Variants in EEFSEC observed in about 807,000 individuals in gnomAD.
The protein encoded by EEFSEC is eukaryotic elongation factor, selenocysteine-tRNA specific.
EEFSEC carries 43 observed loss-of-function variants against 42.1 expected under a neutral mutation model. The ratio of observed to expected loss-of-function variants is 1.02; its 90% confidence interval spans 0.80 to 1.32. The LOEUF (loss-of-function observed/expected upper bound fraction) is 1.32. EEFSEC is among the 40% of genes most tolerant of loss of function. The pLI is 0.00. For synonymous variants in EEFSEC, 354 were observed against 339.1 expected (o/e 1.04, Z -0.48); for missense variants, 745 against 803.6 (o/e 0.93, Z 0.88).
At chr3:128,280,410 C>T (rs531259147) in intron 4 of EEFSEC, among the ~76,000 whole-genome samples, 1 of 152,352 alleles carries the variant, frequency 6.6e-6, no homozygotes, top group South Asian at 2.1e-4. Context: ...CTTCCCTGTT[C>T]TCTCTCACCT....
chr3:128,165,921 C>T (rs1053466118), intron 1 of EEFSEC, among the ~76,000 whole-genome samples: 14 of 152,142 alleles, frequency 9.2e-5, no homozygotes, highest in South Asian at 8.3e-4. Flanking sequence ...AGATACATGA[C>T]GGTGTGGCAC....
chr3:128,328,168 TCAGAG>T, intron 4 of EEFSEC, among the ~76,000 whole-genome samples: 1 of 152,182 alleles, frequency 6.6e-6, no homozygotes, highest in Non-Finnish European at 1.5e-5. Flanking sequence ...TGCCCACAGC[TCAGAG>T]CTGGAGCCAC....
intron 1 of EEFSEC, among the ~76,000 whole-genome samples, chr3:128,244,697 T>C (rs1169488140): frequency 6.6e-6 from 1 of 152,202 alleles, no homozygotes; most frequent in Non-Finnish European, 1.5e-5. Context: ...AAGTCATTAG[T>C]TTCTTTTGCA....
At chr3:128,255,458 A>G (rs938631590) in intron 2 of EEFSEC, among the ~76,000 whole-genome samples, 10 of 152,034 alleles carry the variant, frequency 6.6e-5, no homozygotes, top group African/African-American at 2.4e-4. Context: ...GCTTCCCCGA[A>G]CCCTGGCCCC....
intron 6 of EEFSEC, among the ~76,000 whole-genome samples, chr3:128,365,248 G>T (rs1042194872): frequency 1.3e-5 from 2 of 152,230 alleles, no homozygotes; most frequent in Non-Finnish European, 2.9e-5. Flanking sequence ...AGTGGATGGA[G>T]AGCCCTGGGC....
chr3:128,282,556 C>T (rs948683105), intron 4 of EEFSEC, among the ~76,000 whole-genome samples: 1 of 152,236 alleles, frequency 6.6e-6, no homozygotes, highest in African/African-American at 2.4e-5. Flanking sequence ...TGCACATGTG[C>T]ACACGCGCAC....
chr3:128,253,470 C>CCCCT, intron 2 of EEFSEC, among the ~76,000 whole-genome samples: 1 of 152,316 alleles, frequency 6.6e-6, no homozygotes, highest in South Asian at 2.1e-4. Flanking sequence ...GGTACCTGAA[C>CCCCT]CCCTGCCCAT....
At chr3:128,399,628 C>T (rs1170531174) in intron 6 of EEFSEC, among the ~76,000 whole-genome samples, 1 of 152,068 alleles carries the variant, frequency 6.6e-6, no homozygotes, top group Non-Finnish European at 1.5e-5. Flanking sequence ...TTTAGCTCCC[C>T]AGGAAAACAG....
intron 4 of EEFSEC, among the ~76,000 whole-genome samples, chr3:128,312,803 T>C (rs2066904012): frequency 6.6e-6 from 1 of 152,238 alleles, no homozygotes; most frequent in Admixed American, 6.5e-5. Flanking sequence ...TTCCCTTTTC[T>C]TTTCCTTAAC....
chr3:128,213,108 A>G (rs2065776037), intron 1 of EEFSEC, among the ~76,000 whole-genome samples: 1 of 152,188 alleles, frequency 6.6e-6, no homozygotes, highest in African/African-American at 2.4e-5. Flanking sequence ...CTCCCAAGGA[A>G]AGCCTTGGCT....
chr3:128,228,361 A>G lies in EEFSEC; in HGVS notation c.317-18475A>G, dbSNP rs548787965. ...GAGGTGACATCTAGCCAAAATTTGA[A>G]GGCTGGGTTGCCAGAGAAAGGACAA... On this transcript the variant is annotated intron_variant, in intron 1 of 6. Coordinates refer to ENST00000254730, the MANE Select transcript of EEFSEC (RefSeq NM_021937.5). Among the ~76,000 whole-genome samples, 7 of 152,278 alleles carry G rather than the reference A, an allele frequency of 4.6e-5. No homozygotes were observed. In the South Asian group the frequency reaches 1.5e-3, roughly 32 times the overall value.
At chr3:128,240,253 G>A (rs1362486507) in intron 1 of EEFSEC, among the ~76,000 whole-genome samples, 1 of 152,190 alleles carries the variant, frequency 6.6e-6, no homozygotes, top group Non-Finnish European at 1.5e-5. Flanking sequence ...AAGAGTGATG[G>A]GGCCCAGGTT....
At chr3:128,355,042 T>C (rs1186644016) in intron 5 of EEFSEC, among the ~76,000 whole-genome samples, 1 of 152,214 alleles carries the variant, frequency 6.6e-6, no homozygotes. Flanking sequence ...CAAGGACATA[T>C]CCACTTGAGT....
At chr3:128,311,206 A>G (rs139319761) in intron 4 of EEFSEC, among the ~76,000 whole-genome samples, 1 of 152,348 alleles carries the variant, frequency 6.6e-6, no homozygotes, top group African/African-American at 2.4e-5. Context: ...AGTTATTTTT[A>G]CAGAAATCTG....
intron 1 of EEFSEC, among the ~76,000 whole-genome samples, chr3:128,222,010 G>A (rs577226638): frequency 1.4e-5 from 2 of 145,458 alleles, no homozygotes; most frequent in African/African-American, 2.6e-5. Context: ...TTTATTCTTC[G>A]TGTGTTTTTT....
At chr3:128,380,708 T>A (rs926152568) in intron 6 of EEFSEC, among the ~76,000 whole-genome samples, 1 of 152,232 alleles carries the variant, frequency 6.6e-6, no homozygotes, top group Non-Finnish European at 1.5e-5. Flanking sequence ...TCCATTTGAC[T>A]GCTATATGTT....
At chr3:128,309,077 G>A (rs1000497004) in intron 4 of EEFSEC, among the ~76,000 whole-genome samples, 3 of 152,208 alleles carry the variant, frequency 2.0e-5, no homozygotes, top group Non-Finnish European at 2.9e-5. Flanking sequence ...GACTGCCTTC[G>A]CCCATGAGCA....
At chr3:128,347,547 CTG>C (rs777078399) in intron 5 of EEFSEC, among the ~76,000 whole-genome samples, 11 of 152,100 alleles carry the variant, frequency 7.2e-5, no homozygotes, top group East Asian at 1.9e-4. Context: ...AGAGGAGAAA[CTG>C]GAATGAATTT....
Position 128,247,045 on chromosome 3 carries a change from T to C in EEFSEC, c.524+2T>C. 5 of 1,613,714 alleles carry C rather than the reference T, an allele frequency of 3.1e-6. No individual in the cohort carries two copies. Among genetic ancestry groups the C allele is most frequent in the Non-Finnish European group, 4.2e-6 (5 of 1,179,926 alleles). The stretch of plus-strand genomic sequence containing the variant: ...GCAGAAGACCCTAGAGAACACCAAG[T>C]AGGTCTGCTAATGAGAGCAATGTTC... On this transcript the variant is annotated splice_donor_variant, in intron 2 of 6. Transcript: ENST00000254730. LOFTEE classifies it high-confidence loss of function.
Sources: allele counts gnomAD v4.1 joint callset (sites outside exome capture counted in the v4.1 genomes callset), GRCh38; gene constraint gnomAD v4.1.1; transcripts MANE v1.5; gene names NCBI Gene and HGNC (gene_info 2026-07-23, HGNC 2026-07-21).